CXCL12: variants seen among roughly 807,000 people sequenced by gnomAD.
The protein encoded by CXCL12 is stromal cell-derived factor 1.
In CXCL12, 4 loss-of-function variants were observed where a neutral mutation model predicts 10.7. The observed-to-expected ratio is 0.37, with a 90% confidence interval of 0.18 to 0.86. CXCL12 has a LOEUF of 0.86. Ranked by LOEUF, CXCL12 falls within the 40% of genes least tolerant of loss-of-function variation. The probability of loss-of-function intolerance (pLI) is 0.43; values close to 1 mark genes in which losing one functional copy is unlikely to be tolerated. For synonymous variants in CXCL12, 54 were observed against 45.4 expected (o/e 1.19, Z -0.77); for missense variants, 122 against 110.4 (o/e 1.10, Z -0.47).
intron 2 of CXCL12, among the ~76,000 whole-genome samples, chr10:44,380,148 G>C (rs541347884): frequency 1.3e-5 from 2 of 152,146 alleles, no homozygotes; most frequent in East Asian, 3.9e-4. Flanking sequence ...CATTTCTCCC[G>C]GTCTTCTGTA....
downstream of CXCL12, chr10:44,375,984 C>A: frequency 6.2e-7 from 1 of 1,610,430 alleles, no homozygotes. Context: ...TCTGTCGCTT[C>A]TTTTTTCCTA....
downstream of CXCL12, chr10:44,372,901 A>G (rs755284143): frequency 6.5e-6 from 10 of 1,535,702 alleles, no homozygotes; most frequent in Non-Finnish European, 8.7e-6. Flanking sequence ...GGCTTTGCCC[A>G]GGTTGACTGG....
At chr10:44,373,162 T>C, downstream of CXCL12, 1 of 1,538,674 alleles carries the variant, frequency 6.5e-7, no homozygotes, top group Non-Finnish European at 8.8e-7. Flanking sequence ...ATGTCATGTA[T>C]TTTGCTACAT....
chr10:44,383,044 C>T (rs886891319), intron 1 of CXCL12, among the ~76,000 whole-genome samples: 8 of 152,158 alleles, frequency 5.3e-5, no homozygotes, highest in African/African-American at 1.9e-4. Flanking sequence ...GCTGGCCCCT[C>T]CAAGCAGGCT....
downstream of CXCL12, chr10:44,372,939 G>A: frequency 6.5e-7 from 1 of 1,535,956 alleles, no homozygotes; most frequent in Non-Finnish European, 8.7e-7. Flanking sequence ...GTCCCTCTTG[G>A]TGGCTCTCCA....
At chr10:44,382,830 G>T (rs1287855845) in intron 1 of CXCL12, among the ~76,000 whole-genome samples, 1 of 152,224 alleles carries the variant, frequency 6.6e-6, no homozygotes, top group East Asian at 1.9e-4. Context: ...CTTACCAAAA[G>T]AACATGGTCT....
chr10:44,376,118 G>A, downstream of CXCL12: 1 of 1,455,450 alleles, frequency 6.9e-7, no homozygotes, highest in Non-Finnish European at 9.5e-7. Context: ...ACTGGCCCGT[G>A]TACTGGTTAA....
In CXCL12 at chr10:44,378,195, C is replaced by A; in HGVS notation, c.*438G>T. 1 of 1,429,010 alleles carries A rather than the reference C, an allele frequency of 7.0e-7. No individual in the cohort carries two copies. Among genetic ancestry groups the A allele is most frequent in the East Asian group, 2.9e-5 (1 of 34,120 alleles). 88.5% of individuals were successfully genotyped at this position (1,429,010 alleles called of 1,614,324 possible). On this transcript the variant is annotated 3_prime_UTR_variant, in exon 3 of 3. Coordinates refer to ENST00000343575, the MANE Select transcript of CXCL12 (RefSeq NM_199168.4). ...TTCCAGCTCCCTGTTAAGCCACCAC[C>A]TGACTGTGCCCAGACTCCCCAGGGG...
intron 1 of CXCL12, among the ~76,000 whole-genome samples, chr10:44,383,128 G>T (rs1266557109): frequency 6.6e-6 from 1 of 152,230 alleles, no homozygotes; most frequent in Non-Finnish European, 1.5e-5. Flanking sequence ...GTCAGCCAAT[G>T]GGGGAGGGGC....
downstream of CXCL12, chr10:44,374,188 T>C (rs1200120214): frequency 2.9e-6 from 1 of 341,766 alleles, no homozygotes; most frequent in African/African-American, 2.1e-5. Context: ...AGCAAGCAGT[T>C]TGTATCCTCA....
downstream of CXCL12, chr10:44,376,141 G>A: frequency 8.1e-7 from 1 of 1,228,748 alleles, no homozygotes; most frequent in Admixed American, 2.2e-5. Context: ...TGTGCCTTCA[G>A]TCTCAGGCCT....
At chr10:44,375,987 T>A, downstream of CXCL12, 1 of 1,613,932 alleles carries the variant, frequency 6.2e-7, no homozygotes, top group South Asian at 1.1e-5. Context: ...GTCGCTTCTT[T>A]TTTCCTATCT....
At chr10:44,373,371 A>G, downstream of CXCL12, 1 of 1,585,862 alleles carries the variant, frequency 6.3e-7, no homozygotes, top group Non-Finnish European at 8.6e-7. Flanking sequence ...GGGAAACACC[A>G]TTAAGGCAGG....
chr10:44,375,726 TA>T (rs149555816), downstream of CXCL12: 416 of 922,858 alleles, frequency 4.5e-4, 2 homozygotes, highest in African/African-American at 6.5e-3. Flanking sequence ...TCTGCACAAC[TA>T]CTTTCTTCAT....
Position 44,377,703 on chromosome 10 carries a change from T to C in CXCL12, c.*930A>G. On this transcript the variant is annotated 3_prime_UTR_variant, in exon 3 of 3. Transcript: ENST00000343575. ...GCGAGCTCTCAGATTTAAAATTGCATTTGATTCTGTAAAGACTTGTCTTTT... is the reference window on the plus strand; with the variant it reads ...GCGAGCTCTCAGATTTAAAATTGCACTTGATTCTGTAAAGACTTGTCTTTT... 6.3e-7 allele frequency: 1 copy of C among 1,596,928 alleles called. No homozygotes were observed. The highest frequency in any genetic ancestry group is 8.5e-7 in the Non-Finnish European group (1 of 1,179,252).
chr10:44,374,549 A>G (rs759687639), downstream of CXCL12: 115 of 455,956 alleles, frequency 2.5e-4, no homozygotes, highest in Admixed American at 1.2e-4. Context: ...AGAGTTGTCC[A>G]GGTAAAAGAG....
intron 1 of CXCL12, among the ~76,000 whole-genome samples, chr10:44,381,769 T>A (rs1839639445): frequency 1.3e-5 from 2 of 152,230 alleles, no homozygotes; most frequent in Non-Finnish European, 2.9e-5. Flanking sequence ...CCTTGAAGAT[T>A]TTATCCAAGC....
At chr10:44,384,911 G>A (rs755450864) in intron 1 of CXCL12, 34 bp downstream of exon 1, 2 of 1,482,560 alleles carry the variant, frequency 1.3e-6, no homozygotes, top group South Asian at 1.2e-5. Context: ...GAAGCCCAGA[G>A]CCTCGCCAGG....
chr10:44,377,636 T>C lies in CXCL12; in HGVS notation c.*997A>G, dbSNP rs530325779. On this transcript the variant is annotated 3_prime_UTR_variant, in exon 3 of 3. Coordinates refer to ENST00000343575, the MANE Select transcript of CXCL12 (RefSeq NM_199168.4). Reference sequence around the variant, plus strand: ...AGAGTTTGTTAGTGCCTCCATGGCATACATAGGCTTCAGAGGCAATCACAA... The same window carrying C: ...AGAGTTTGTTAGTGCCTCCATGGCACACATAGGCTTCAGAGGCAATCACAA... 2 of 1,540,600 alleles carry C rather than the reference T, an allele frequency of 1.3e-6. No individual in the cohort carries two copies. The highest frequency in any genetic ancestry group is 1.4e-5 in the African/African-American group (1 of 73,356).
Sources: allele counts gnomAD v4.1 joint callset (sites outside exome capture counted in the v4.1 genomes callset), GRCh38; gene constraint gnomAD v4.1.1; transcripts MANE v1.5; gene names NCBI Gene and HGNC (gene_info 2026-07-23, HGNC 2026-07-21).